MAP7: variants seen among roughly 807,000 people sequenced by gnomAD.
The protein encoded by MAP7 is microtubule associated protein 7.
In MAP7, 52 loss-of-function variants were observed where a neutral mutation model predicts 94.8. The observed-to-expected ratio is 0.55, with a 90% confidence interval of 0.44 to 0.69. The LOEUF (loss-of-function observed/expected upper bound fraction) is 0.69, where lower values mean the gene tolerates loss of function less well. MAP7 is among the 30% of genes least tolerant of loss of function. MAP7 has a pLI of 0.00. For synonymous variants in MAP7, 350 were observed against 357.0 expected (o/e 0.98, Z 0.22); for missense variants, 940 against 964.6 (o/e 0.97, Z 0.34).
At chr6:136,460,621 G>T (rs1008263579) in intron 1 of MAP7, among the ~76,000 whole-genome samples, 2 of 152,076 alleles carry the variant, frequency 1.3e-5, no homozygotes, top group Non-Finnish European at 2.9e-5. Flanking sequence ...GGTTAGAAGG[G>T]TCCTCTGTCA....
chr6:136,419,303 A>G (rs1220685898), intron 2 of MAP7, among the ~76,000 whole-genome samples: 2 of 152,266 alleles, frequency 1.3e-5, no homozygotes, highest in African/African-American at 4.8e-5. Flanking sequence ...CTGCACAGTA[A>G]AAGAATGGTA....
At chr6:136,379,765 G>A (rs982602376) in intron 6 of MAP7, among the ~76,000 whole-genome samples, 1 of 152,156 alleles carries the variant, frequency 6.6e-6, no homozygotes, top group Non-Finnish European at 1.5e-5. Context: ...GAGTCTGAAG[G>A]CATCGACCAA....
At chr6:136,361,971 T>C (rs1792923448) in intron 11 of MAP7, among the ~76,000 whole-genome samples, 1 of 152,212 alleles carries the variant, frequency 6.6e-6, no homozygotes. Context: ...ATTATGTAAA[T>C]ATGTATATGT....
chr6:136,534,885 A>C (rs1340654478), intron 1 of MAP7, among the ~76,000 whole-genome samples: 1 of 152,202 alleles, frequency 6.6e-6, no homozygotes, highest in Admixed American at 6.5e-5. Context: ...CTCTATTATA[A>C]TGAAGTAACC....
At chr6:136,356,454 T>C (rs1027871094) in intron 16 of MAP7, among the ~76,000 whole-genome samples, 4 of 152,158 alleles carry the variant, frequency 2.6e-5, no homozygotes, top group African/African-American at 9.7e-5. Flanking sequence ...GAGTGAGCCC[T>C]GCACTTGGCC....
chr6:136,422,095 G>T (rs183847519), intron 1 of MAP7, among the ~76,000 whole-genome samples: 1 of 152,198 alleles, frequency 6.6e-6, no homozygotes, highest in Non-Finnish European at 1.5e-5. Context: ...GTGGAAGCAC[G>T]ACTGGAGTCT....
intron 3 of MAP7, among the ~76,000 whole-genome samples, chr6:136,394,948 A>ATACATATATATATATATATATATATATG (rs1781952798): frequency 1.9e-5 from 2 of 107,436 alleles, no homozygotes; most frequent in African/African-American, 8.1e-5. Flanking sequence ...ATATATATAT[A>ATACATATATATATATATATATATATATG]TATATATATA....
At chr6:136,448,120 A>C (rs1029782657) in intron 1 of MAP7, among the ~76,000 whole-genome samples, 23 of 152,166 alleles carry the variant, frequency 1.5e-4, no homozygotes, top group African/African-American at 4.8e-4. Context: ...TGAATCCCAG[A>C]GGTGGAGGTT....
At chr6:136,402,974 T>C (rs1245257690) in intron 3 of MAP7, among the ~76,000 whole-genome samples, 1 of 143,172 alleles carries the variant, frequency 7.0e-6, no homozygotes, top group African/African-American at 2.6e-5. Context: ...ACTTACTATC[T>C]CAGGGCTAGG....
At chr6:136,416,558 C>G (rs2128754235) in intron 2 of MAP7, among the ~76,000 whole-genome samples, 1 of 152,276 alleles carries the variant, frequency 6.6e-6, no homozygotes, top group East Asian at 1.9e-4. Flanking sequence ...GTAATCCCAG[C>G]ACTTTGGGAG....
chr6:136,388,554 GTTTGAAGCTTCTTCAAT>G, intron 4 of MAP7, 44 bp from the exon 5 acceptor site: 2 of 1,498,732 alleles, frequency 1.3e-6, no homozygotes, highest in African/African-American at 2.7e-5. Flanking sequence ...CCAGCTGGTT[GTTTGAAGCTTCTTCAAT>G]TTAAGGCAGA....
At chr6:136,490,372 C>A (rs1816191900) in intron 1 of MAP7, among the ~76,000 whole-genome samples, 1 of 152,192 alleles carries the variant, frequency 6.6e-6, no homozygotes, top group African/African-American at 2.4e-5. Flanking sequence ...CAAACGATGT[C>A]ATTAAGATAC....
intron 1 of MAP7, among the ~76,000 whole-genome samples, chr6:136,444,366 TGC>T (rs1366761627): frequency 6.6e-6 from 1 of 152,254 alleles, no homozygotes; most frequent in Non-Finnish European, 1.5e-5. Context: ...CACTGCACTA[TGC>T]TACTTTACTG....
chr6:136,464,446 G>A (rs1806279571), intron 1 of MAP7, among the ~76,000 whole-genome samples: 1 of 152,188 alleles, frequency 6.6e-6, no homozygotes, highest in Non-Finnish European at 1.5e-5. Context: ...TGTTATAACT[G>A]CTCTATTTTA....
In MAP7 at chr6:136,505,273, GTGTGTATATATATATATATA is replaced by G. The variant is rs1050942815; in HGVS notation, c.67+45049_67+45068del. On this transcript the variant is annotated intron_variant, in intron 1 of 17. Coordinates refer to ENST00000354570, the MANE Select transcript of MAP7 (RefSeq NM_003980.6). ...GTAATGTGTGTGTGTGTGTGTGTGT[GTGTGTATATATATATATATA>G]TATATATATATATATATATAGTAAA... Among the ~76,000 whole-genome samples, 11 of 69,844 alleles carry G rather than the reference GTGTGTATATATATATATATA, an allele frequency of 1.6e-4. No individual in the cohort carries two copies. In the East Asian group the frequency reaches 3.5e-3, roughly 22 times the overall value. 45.8% of individuals were successfully genotyped at this position (69,844 alleles called of 152,430 possible). A position where few individuals can be genotyped will look rare whatever the true frequency, so the allele number is the denominator to read the frequency against.
At chr6:136,441,201 T>C (rs552256522) in intron 1 of MAP7, among the ~76,000 whole-genome samples, 16 of 152,340 alleles carry the variant, frequency 1.1e-4, no homozygotes, top group African/African-American at 3.1e-4. Flanking sequence ...CTGGCAGATA[T>C]ATACCCAGCA....
intron 8 of MAP7, among the ~76,000 whole-genome samples, chr6:136,370,782 T>C (rs188353738): frequency 1.3e-5 from 2 of 152,182 alleles, no homozygotes; most frequent in South Asian, 2.1e-4. Flanking sequence ...AGTTGTTTAA[T>C]GGGTATAGAG....
chr6:136,474,048 A>G (rs553975881), intron 1 of MAP7, among the ~76,000 whole-genome samples: 2 of 152,232 alleles, frequency 1.3e-5, no homozygotes, highest in South Asian at 4.2e-4. Flanking sequence ...CAGGTTAAGG[A>G]GGACCCAGTA....
chr6:136,549,685 A>C (rs1583170880), intron 1 of MAP7, among the ~76,000 whole-genome samples: 1 of 152,038 alleles, frequency 6.6e-6, no homozygotes, highest in South Asian at 2.1e-4. Context: ...AACTCTGAGA[A>C]CTCCGACAAG....
Sources: gnomAD v4.1 joint callset for allele counts (sites outside exome capture counted in the v4.1 genomes callset) on GRCh38, gnomAD v4.1.1 for gene constraint, MANE v1.5 for transcripts, NCBI Gene and HGNC (gene_info 2026-07-23, HGNC 2026-07-21) for gene names.